Variants in CRB1 observed in about 807,000 individuals in gnomAD.
The protein encoded by CRB1 is crumbs cell polarity complex component 1, also known as protein crumbs homolog 1.
Under a neutral mutation model 120.0 loss-of-function variants are expected in CRB1, and 83 were observed. The ratio of observed to expected loss-of-function variants is 0.69; its 90% CI spans 0.58 to 0.83. The LOEUF (loss-of-function observed/expected upper bound fraction) is 0.83. Ranked by LOEUF, CRB1 falls within the 40% of genes least tolerant of loss-of-function variation. The pLI is 0.00. For synonymous variants in CRB1, 625 were observed against 612.5 expected (o/e 1.02, Z -0.30); for missense variants, 1,699 against 1,687.6 (o/e 1.01, Z -0.12).
Position 197,328,690 on chromosome 1 carries a change from C to T in CRB1, c.339C>T (p.Ser113=), listed in dbSNP as rs1220315666. The change falls in exon 2 of 12, where the codon TCC becomes TCT. Residue 113 remains serine (S), a synonymous_variant. Coordinates refer to ENST00000367400, the MANE Select transcript of CRB1 (RefSeq NM_201253.3). The part of the protein sequence containing the change: ...SGTICETTIG[S]CGKNSCQHGG... ...CAATCTGTGAAACTACCATTGGTTC[C>T]TGTGGCAAGAACTCCTGCCAACATG... 2.5e-6 allele frequency: 4 copies of T among 1,613,622 alleles called. No homozygotes were observed. Among genetic ancestry groups the T allele is most frequent in the East Asian group, 2.2e-5 (1 of 44,878 alleles).
intron 1 of CRB1, among the ~76,000 whole-genome samples, chr1:197,293,616 G>A (rs1474737519): frequency 6.6e-6 from 1 of 152,058 alleles, no homozygotes; most frequent in African/African-American, 2.4e-5. Context: ...TCAATCCTAA[G>A]CCAAAAGAAC....
chr1:197,376,662 A>G (rs1222117975), intron 5 of CRB1, among the ~76,000 whole-genome samples: 2 of 152,162 alleles, frequency 1.3e-5, no homozygotes, highest in Non-Finnish European at 2.9e-5. Context: ...AGCCACTGTC[A>G]TGTCTCACCT....
intron 5 of CRB1, among the ~76,000 whole-genome samples, chr1:197,379,502 G>A (rs1021553559): frequency 4.7e-5 from 7 of 148,310 alleles, no homozygotes; most frequent in South Asian, 2.1e-4. Flanking sequence ...GGGTTTCACC[G>A]TGTTAGCCAG....
At chr1:197,233,796 T>C in the CRB1 span, among the ~76,000 whole-genome samples, 2 of 152,220 alleles carry the variant, frequency 1.3e-5, no homozygotes, top group Non-Finnish European at 2.9e-5. Flanking sequence ...AGCCAATGAC[T>C]GAGTAAAATG....
At chr1:197,327,085 A>G (rs1658536465) in intron 1 of CRB1, among the ~76,000 whole-genome samples, 1 of 128,270 alleles carries the variant, frequency 7.8e-6, no homozygotes, top group Non-Finnish European at 1.6e-5. Context: ...CTTAATTCTC[A>G]CACACCAAAA....
intron 11 of CRB1, chr1:197,477,411 G>A (rs1667241974): frequency 3.8e-6 from 2 of 532,642 alleles, no homozygotes; most frequent in Non-Finnish European, 7.0e-6. Flanking sequence ...CTGAGATTAA[G>A]AGACTGAGCA....
chr1:197,343,293 G>C (rs1659576288), intron 2 of CRB1, among the ~76,000 whole-genome samples: 1 of 152,014 alleles, frequency 6.6e-6, no homozygotes, highest in Non-Finnish European at 1.5e-5. Flanking sequence ...AATAAAGATG[G>C]ATAAGTATAG....
chr1:197,281,863 G>T (rs1350326651), intron 1 of CRB1, among the ~76,000 whole-genome samples: 2 of 151,664 alleles, frequency 1.3e-5, no homozygotes, highest in African/African-American at 4.8e-5. Context: ...TCTTTATTTT[G>T]AAATATTGGA....
At chr1:197,442,665 T>A in intron 11 of CRB1, 1 of 687,598 alleles carries the variant, frequency 1.5e-6, no homozygotes, top group Non-Finnish European at 2.2e-6. Context: ...TGTGTGTATT[T>A]AGTACAAACA....
intron 1 of CRB1, among the ~76,000 whole-genome samples, chr1:197,295,938 T>G (rs1295873809): frequency 6.6e-6 from 1 of 151,478 alleles, no homozygotes; most frequent in Non-Finnish European, 1.5e-5. Flanking sequence ...TACTATTAGA[T>G]CTAAGAAAGA....
At chr1:197,442,116 C>G in intron 10 of CRB1, 50 bp from the exon 11 acceptor site, 1 of 1,613,346 alleles carries the variant, frequency 6.2e-7, no homozygotes, top group Non-Finnish European at 8.5e-7. Context: ...ATTTCACAAC[C>G]AATGTATTCA....
At chr1:197,206,180 A>G in the CRB1 span, among the ~76,000 whole-genome samples, 1 of 151,974 alleles carries the variant, frequency 6.6e-6, no homozygotes, top group Non-Finnish European at 1.5e-5. Flanking sequence ...TGGTCTATCA[A>G]TTTTATTCAT....
rs1422139092 is a variant in CRB1 at position 197,344,607 on chromosome 1, T to G, written c.848+131T>G. On this transcript the variant is annotated intron_variant, in intron 3 of 11. Transcript: ENST00000367400. ...GGGTGTAACTTTATACTTTAACTGATGAAAACATTCAGATTTCACTAAAAA... is the reference window on the plus strand; with the variant it reads ...GGGTGTAACTTTATACTTTAACTGAGGAAAACATTCAGATTTCACTAAAAA... 4 of 808,196 alleles carry G rather than the reference T, an allele frequency of 4.9e-6. No individual in the cohort carries two copies. The East Asian group carries it at 1.0e-4, about 20-fold the overall frequency. The allele number at this position is 808,196 out of a possible 1,614,324, so 50.1% of individuals were successfully genotyped here.
At chr1:197,450,098 T>G (rs184142708) in intron 11 of CRB1, among the ~76,000 whole-genome samples, 2 of 152,250 alleles carry the variant, frequency 1.3e-5, no homozygotes, top group Admixed American at 1.3e-4. Flanking sequence ...GATGCATACT[T>G]TTGGTTATTA....
intron 1 of CRB1, among the ~76,000 whole-genome samples, chr1:197,326,114 AT>A (rs1658480395): frequency 6.6e-6 from 1 of 152,224 alleles, no homozygotes; most frequent in Non-Finnish European, 1.5e-5. Context: ...ATGCATATAC[AT>A]ATGCATAGTT....
chr1:197,455,695 T>C (rs969283946), intron 11 of CRB1, among the ~76,000 whole-genome samples: 4 of 152,150 alleles, frequency 2.6e-5, no homozygotes, highest in Admixed American at 6.5e-5. Context: ...TGGCAATTGC[T>C]TTAATATTGT....
chr1:197,411,644 C>A (rs1288214333), intron 5 of CRB1, among the ~76,000 whole-genome samples: 1 of 152,152 alleles, frequency 6.6e-6, no homozygotes, highest in Non-Finnish European at 1.5e-5. Context: ...ATTCATTTTT[C>A]TCCTTTCCTT....
chr1:197,250,348 A>G, the CRB1 span, among the ~76,000 whole-genome samples: 125 of 152,096 alleles, frequency 8.2e-4, 2 homozygotes, highest in East Asian at 0.017. Context: ...AATTTCAAAG[A>G]TAGTGCAAAA....
At position 197,406,004 on chromosome 1, in the gene CRB1, G is replaced by T. The variant is rs1229413161; in HGVS notation, c.1172-14996G>T. ...CCGCCCCGTCCGGGAGGTGAGGGGCGCCTCTGCCCGGCCGCCCCTACTGGG... is the reference window on the plus strand; with the variant it reads ...CCGCCCCGTCCGGGAGGTGAGGGGCTCCTCTGCCCGGCCGCCCCTACTGGG... On this transcript the variant is annotated intron_variant, in intron 5 of 11. Transcript: ENST00000367400. Among the ~76,000 whole-genome samples the T allele has an allele frequency of 7.9e-3, 1,195 of 150,886 alleles. 9 individuals are homozygous for T. Among genetic ancestry groups the T allele is most frequent in the African/African-American group, 0.028 (1,143 of 41,044 alleles).
Sources: allele counts gnomAD v4.1 joint callset (sites outside exome capture counted in the v4.1 genomes callset), GRCh38; gene constraint gnomAD v4.1.1; transcripts MANE v1.5; gene names NCBI Gene and HGNC (gene_info 2026-07-23, HGNC 2026-07-21).